The following DLG1 variants were observed in gnomAD, a reference collection of about 807,000 sequenced individuals.
DLG1 encodes discs large MAGUK scaffold protein 1, also known as disks large homolog 1.
DLG1 carries 42 observed loss-of-function variants against 123.4 expected under a neutral mutation model. The ratio of observed to expected loss-of-function variants is 0.34; its 90% CI spans 0.27 to 0.44. The LOEUF (loss-of-function observed/expected upper bound fraction) is 0.44. DLG1 is among the 20% of genes least tolerant of loss of function. The pLI, the probability that DLG1 is intolerant of heterozygous loss-of-function variation, is 1.00. For missense variants in DLG1, 942 were observed against 1,082.6 expected (o/e 0.87, Z 1.82); for synonymous variants, 317 against 356.2 (o/e 0.89, Z 1.24).
intron 18 of DLG1, among the ~76,000 whole-genome samples, chr3:197,072,706 A>C (rs890597055): frequency 2.6e-5 from 4 of 151,686 alleles, no homozygotes; most frequent in Admixed American, 6.6e-5. Flanking sequence ...AAAAAAACAA[A>C]AAAAAAACCT....
intron 24 of DLG1, among the ~76,000 whole-genome samples, chr3:197,048,509 C>T (rs1724971126): frequency 6.6e-6 from 1 of 152,050 alleles, no homozygotes; most frequent in Non-Finnish European, 1.5e-5. Context: ...TCACCTTAGA[C>T]CTGTGTGGAT....
intron 4 of DLG1, among the ~76,000 whole-genome samples, chr3:197,242,919 T>C (rs1749693986): frequency 6.6e-6 from 1 of 152,150 alleles, no homozygotes; most frequent in Admixed American, 6.5e-5. Context: ...AGTCTGGACA[T>C]GCCTGTAGTC....
chr3:197,071,313 T>C (rs1179215674), intron 18 of DLG1, among the ~76,000 whole-genome samples: 6 of 152,108 alleles, frequency 3.9e-5, no homozygotes, highest in Non-Finnish European at 8.8e-5. Flanking sequence ...AACAAATACC[T>C]GCAGGGTTTA....
chr3:197,071,102 A>G (rs1260301702), intron 18 of DLG1: 1 of 151,992 alleles, frequency 6.6e-6, no homozygotes, highest in Non-Finnish European at 1.5e-5. Flanking sequence ...TATTTCCTTA[A>G]ATTTCATACC....
intron 6 of DLG1, among the ~76,000 whole-genome samples, chr3:197,149,068 T>G (rs957989058): frequency 1.3e-5 from 2 of 152,232 alleles, no homozygotes; most frequent in African/African-American, 4.8e-5. Context: ...TATTCACATA[T>G]CATAAAATCT....
At chr3:197,047,970 AT>A (rs1560292566) in intron 24 of DLG1, among the ~76,000 whole-genome samples, 2 of 152,226 alleles carry the variant, frequency 1.3e-5, no homozygotes, top group Non-Finnish European at 2.9e-5. Flanking sequence ...AAGGCAACCT[AT>A]GGAAGAGGAG....
intron 18 of DLG1, chr3:197,075,707 C>G (rs1228720487): frequency 1.6e-6 from 1 of 631,748 alleles, no homozygotes; most frequent in Non-Finnish European, 2.6e-6. Context: ...CATGAAAATT[C>G]TAAAAGCAAT....
chr3:197,296,288 GAATT>G (rs1462604901), intron 3 of DLG1, 54 bp downstream of exon 3: 1 of 1,493,708 alleles, frequency 6.7e-7, no homozygotes, highest in African/African-American at 1.4e-5. Flanking sequence ...TAAAATAAAT[GAATT>G]GAGAGGAGCA....
At chr3:197,195,536 A>C (rs962951538) in intron 4 of DLG1, among the ~76,000 whole-genome samples, 7 of 152,218 alleles carry the variant, frequency 4.6e-5, no homozygotes, top group African/African-American at 9.6e-5. Context: ...ACCACAGAAT[A>C]CTATGCAGCC....
At chr3:197,269,632 A>G (rs921062574) in intron 4 of DLG1, among the ~76,000 whole-genome samples, 1 of 152,206 alleles carries the variant, frequency 6.6e-6, no homozygotes, top group Non-Finnish European at 1.5e-5. Flanking sequence ...GTTGGGCAGT[A>G]CCAATATCCC....
At chr3:197,288,755 C>CATAT (rs1274334612) in intron 3 of DLG1, among the ~76,000 whole-genome samples, 6 of 102,556 alleles carry the variant, frequency 5.9e-5, no homozygotes, top group African/African-American at 1.8e-4. Context: ...TACATACATA[C>CATAT]ATACATACAT....
At chr3:197,070,120 T>A (rs1048198200) in intron 18 of DLG1, 1 of 152,152 alleles carries the variant, frequency 6.6e-6, no homozygotes, top group Non-Finnish European at 1.5e-5. Context: ...GTAAATGTCA[T>A]CTCAAGTTTT....
intron 4 of DLG1, among the ~76,000 whole-genome samples, chr3:197,210,995 C>T (rs928169388): frequency 6.9e-6 from 1 of 145,954 alleles, no homozygotes; most frequent in Non-Finnish European, 1.5e-5. Context: ...TTTATTTCAA[C>T]AAGGCAAGGT....
At chr3:197,158,301 A>G (rs1396516841) in intron 5 of DLG1, among the ~76,000 whole-genome samples, 1 of 152,028 alleles carries the variant, frequency 6.6e-6, no homozygotes, top group Non-Finnish European at 1.5e-5. Flanking sequence ...AGAAATTGGA[A>G]TCCTTGTGCA....
intron 6 of DLG1, among the ~76,000 whole-genome samples, chr3:197,145,047 T>G (rs1378620399): frequency 7.0e-6 from 1 of 141,978 alleles, no homozygotes; most frequent in Non-Finnish European, 1.5e-5. Context: ...TTGCTCTCTC[T>G]CTCTCTCTCA....
At chr3:197,194,388 TG>T in intron 5 of DLG1, 36 bp downstream of exon 5, 1 of 1,389,220 alleles carries the variant, frequency 7.2e-7, no homozygotes, top group Admixed American at 2.4e-5. Context: ...AAAAGTAATA[TG>T]TAATTCATAA....
chr3:197,149,878 G>C (rs1456765213), intron 5 of DLG1, 82 bp from the exon 6 acceptor site: 1 of 799,304 alleles, frequency 1.3e-6, no homozygotes, highest in East Asian at 2.6e-5. Flanking sequence ...GCATAGGAAA[G>C]ACTTGCTATT....
chr3:197,138,442 T>C (rs1333053060), intron 8 of DLG1, 51 bp from the exon 9 acceptor site: 10 of 1,041,122 alleles, frequency 9.6e-6, no homozygotes, highest in Non-Finnish European at 1.2e-5. Flanking sequence ...AATTTAAATA[T>C]AAATTTTCCA....
intron 4 of DLG1, among the ~76,000 whole-genome samples, chr3:197,252,523 C>T (rs974683053): frequency 6.6e-6 from 1 of 152,058 alleles, no homozygotes; most frequent in African/African-American, 2.4e-5. Flanking sequence ...TTATGTGGTA[C>T]TTACGGTAGT....
Sources: gnomAD v4.1 joint callset for allele counts (sites outside exome capture counted in the v4.1 genomes callset) on GRCh38, gnomAD v4.1.1 for gene constraint, MANE v1.5 for transcripts, NCBI Gene and HGNC (gene_info 2026-07-23, HGNC 2026-07-21) for gene names.